The following GLRA2 variants were observed in gnomAD, a reference collection of about 807,000 sequenced individuals.
GLRA2 encodes the protein glycine receptor subunit alpha-2.
Under a neutral mutation model 31.6 loss-of-function variants are expected in GLRA2, and 11 were observed. That is an observed-to-expected ratio of 0.35 (90% CI 0.22 to 0.58). The LOEUF (loss-of-function observed/expected upper bound fraction) is 0.58, where lower values mean the gene tolerates loss of function less well. Among genes scored for constraint, GLRA2 ranks in the 20% least tolerant of loss-of-function variants. The pLI, the probability that GLRA2 is intolerant of heterozygous loss-of-function variation, is 0.84. For synonymous variants in GLRA2, 132 were observed against 134.0 expected, an observed-to-expected ratio of 0.99 and a Z score of 0.10; for missense variants, 212 against 351.8, an observed-to-expected ratio of 0.60 and a Z score of 3.18.
At position 14,730,679 on chromosome X, in the gene GLRA2, T is replaced by TAAA. The variant is rs1387201959; in HGVS notation, c.*194_*195insAAA. On this transcript the variant is annotated 3_prime_UTR_variant, in exon 9 of 9. Transcript: ENST00000218075. ...GGGTGATGAAGAAAACTGCACAAAA[T>TAAA]TAAGGGGTTGCAGAATCACGGGAGC... is the stretch of plus-strand genomic sequence containing the variant. 2.4e-6 allele frequency: 1 copy of TAAA among 417,927 alleles called. No homozygotes were observed. Among genetic ancestry groups the TAAA allele is most frequent in the African/African-American group, 2.5e-5 (1 of 39,467 alleles). 34.4% of individuals were successfully genotyped at this position (417,927 alleles called of 1,213,427 possible). A position where few individuals can be genotyped will look rare whatever the true frequency, so the allele number is the denominator to read the frequency against.
At chrX:14,508,506 A>C in the GLRA2 span, among the ~76,000 whole-genome samples, 1 of 112,019 alleles carries the variant, frequency 8.9e-6, no homozygotes, top group Non-Finnish European at 1.9e-5. Context: ...TTCCTGCAGC[A>C]CACAGTCCTT....
At chrX:14,581,766 GCACACACACA>G (rs57962541) in intron 4 of GLRA2, among the ~76,000 whole-genome samples, 13 of 90,885 alleles carry the variant, frequency 1.4e-4, no homozygotes, top group South Asian at 5.8e-4. Flanking sequence ...ATTCAAGCAT[GCACACACACA>G]CACACACACA....
the GLRA2 span, among the ~76,000 whole-genome samples, chrX:14,453,359 G>T: frequency 9.0e-6 from 1 of 111,465 alleles, no homozygotes; most frequent in Non-Finnish European, 1.9e-5. Flanking sequence ...ACATTTGGTA[G>T]GTAGAGGTCA....
rs899298531 is a variant in GLRA2 at position 14,661,745 on chromosome X, C to T, written c.931-28965C>T. Among the ~76,000 whole-genome samples, 4 of 107,766 alleles carry T rather than the reference C, an allele frequency of 3.7e-5. 1 individual carries two copies. The highest frequency in any genetic ancestry group is 2.9e-4 in the East Asian group (1 of 3,432). The allele number at this position is 107,766 out of a possible 115,157, so 93.6% of individuals were successfully genotyped here. On this transcript the variant is annotated intron_variant, in intron 7 of 8. Transcript: ENST00000218075. The stretch of plus-strand genomic sequence containing the variant: ...ACAATTAGCTGGGTGTGGTGGTAGG[C>T]GCCTGTAATCCTAGCTACTCGGGAG...
the GLRA2 span, among the ~76,000 whole-genome samples, chrX:14,452,241 T>G: frequency 8.9e-6 from 1 of 112,648 alleles, no homozygotes; most frequent in South Asian, 3.6e-4. Flanking sequence ...TATTCCTTCC[T>G]CTATTTCACA....
In GLRA2 at chrX:14,604,348, G is replaced by A; in HGVS notation, c.528G>A (p.Leu176=). The part of the protein sequence containing the change: ...LTLTLSCPMD[L]KNFPMDVQTC... The stretch of plus-strand genomic sequence containing the variant: ...TGACCTTATCCTGTCCCATGGACTT[G>A]AAGAACTTTCCGATGGATGTCCAGA... The change falls in exon 5 of 9, where the codon TTG becomes TTA. Residue 176 remains leucine, a synonymous_variant. Coordinates refer to ENST00000218075, the MANE Select transcript of GLRA2 (RefSeq NM_002063.4). The A allele has an allele frequency of 8.4e-7, 1 of 1,185,232 alleles. No homozygotes were observed. Among genetic ancestry groups the A allele is most frequent in the South Asian group, 1.8e-5 (1 of 56,351 alleles).
intron 7 of GLRA2, among the ~76,000 whole-genome samples, chrX:14,628,620 G>A (rs1288516568): frequency 1.8e-5 from 2 of 111,945 alleles, no homozygotes; most frequent in Non-Finnish European, 3.8e-5. Flanking sequence ...AGGCTAAGTG[G>A]GATTTTAAGG....
chrX:14,682,279 T>A (rs770953584), intron 7 of GLRA2, among the ~76,000 whole-genome samples: 2 of 110,746 alleles, frequency 1.8e-5, no homozygotes, highest in South Asian at 7.7e-4. Flanking sequence ...ATAATATGTT[T>A]AAAAGACTGG....
intron 8 of GLRA2, among the ~76,000 whole-genome samples, chrX:14,704,821 T>TA (rs1040098766): frequency 9.0e-5 from 10 of 111,513 alleles, no homozygotes; most frequent in Admixed American, 2.9e-4. Flanking sequence ...AAGGGGCAGA[T>TA]AAAAAAAACT....
intron 7 of GLRA2, among the ~76,000 whole-genome samples, chrX:14,679,795 C>T (rs1232819384): frequency 8.9e-6 from 1 of 112,062 alleles, no homozygotes; most frequent in Non-Finnish European, 1.9e-5. Context: ...CCGTATTCTA[C>T]CGACTTTTTG....
In GLRA2 at chrX:14,529,797, G is replaced by A. The variant is rs1412922748; in HGVS notation, c.-261G>A. ...GCATTTTTATTATTCAGGAAAAGCA[G>A]CTGGGGGATTCATCAGTTCTGAGGC... is the stretch of plus-strand genomic sequence containing the variant. On this transcript the variant is annotated 5_prime_UTR_variant, in exon 1 of 9. Transcript: ENST00000218075. 5.1e-6 allele frequency: 2 copies of A among 393,806 alleles called. No homozygotes were observed. The highest frequency in any genetic ancestry group is 8.7e-5 in the East Asian group (2 of 23,030). 32.5% of individuals were successfully genotyped at this position (393,806 alleles called of 1,213,427 possible).
the GLRA2 span, among the ~76,000 whole-genome samples, chrX:14,482,573 A>G: frequency 9.0e-6 from 1 of 111,369 alleles, no homozygotes; most frequent in African/African-American, 3.3e-5. Context: ...AATGCATATA[A>G]AAGCTAGTAA....
intron 7 of GLRA2, among the ~76,000 whole-genome samples, chrX:14,619,067 C>T (rs2147105819): frequency 9.0e-6 from 1 of 111,233 alleles, no homozygotes. Flanking sequence ...CCCTCCATAA[C>T]AGTCTCTAGA....
At chrX:14,656,414 A>G (rs1215838562) in intron 7 of GLRA2, among the ~76,000 whole-genome samples, 2 of 112,042 alleles carry the variant, frequency 1.8e-5, no homozygotes, top group Non-Finnish European at 3.8e-5. Context: ...CACATTTTCT[A>G]TGTTTTGTGA....
rs2146996320 is a variant in GLRA2 at position 14,529,882 on chromosome X, A to G, written c.-176A>G. 2.2e-6 allele frequency: 1 copy of G among 461,332 alleles called. No individual in the cohort carries two copies. Among genetic ancestry groups the G allele is most frequent in the South Asian group, 3.2e-5 (1 of 31,262 alleles). The allele number at this position is 461,332 out of a possible 1,213,427, so 38.0% of individuals were successfully genotyped here. A position where few individuals can be genotyped will look rare whatever the true frequency, so the allele number is the denominator to read the frequency against. On this transcript the variant is annotated 5_prime_UTR_variant, in exon 1 of 9. Coordinates refer to ENST00000218075, the MANE Select transcript of GLRA2 (RefSeq NM_002063.4). ...TCGGTTTGACCTGACCATGATGCCC[A>G]GGACTGGCACTTTTTCTTTTTTCTC...
At chrX:14,471,171 TA>T in the GLRA2 span, among the ~76,000 whole-genome samples, 1 of 111,877 alleles carries the variant, frequency 8.9e-6, no homozygotes, top group South Asian at 3.7e-4. Flanking sequence ...ATTCCCCACT[TA>T]ATTACTTTTT....
intron 2 of GLRA2, among the ~76,000 whole-genome samples, chrX:14,552,850 C>G (rs894811607): frequency 8.9e-6 from 1 of 111,937 alleles, no homozygotes. Context: ...AAAGCCTCAA[C>G]AAACCTTGTC....
chrX:14,471,830 A>AT, the GLRA2 span, among the ~76,000 whole-genome samples: 4 of 112,314 alleles, frequency 3.6e-5, no homozygotes, highest in Admixed American at 1.9e-4. Flanking sequence ...AGAACCAACA[A>AT]GGGTTGAGGT....
chrX:14,582,510 C>T (rs1343319418), intron 4 of GLRA2, among the ~76,000 whole-genome samples: 1 of 110,510 alleles, frequency 9.0e-6, no homozygotes, highest in Non-Finnish European at 1.9e-5. Flanking sequence ...TATCTAATAG[C>T]AGTTTATCTG....
Sources: gnomAD v4.1 joint callset for allele counts (sites outside exome capture counted in the v4.1 genomes callset) on GRCh38, gnomAD v4.1.1 for gene constraint, MANE v1.5 for transcripts, NCBI Gene and HGNC (gene_info 2026-07-23, HGNC 2026-07-21) for gene names.